The following GPATCH8 variants were observed in gnomAD, a reference collection of about 807,000 sequenced individuals.
GPATCH8 encodes the protein G patch domain-containing protein 8.
A neutral mutation model predicts 118.3 loss-of-function variants in GPATCH8; 18 were observed. That is an observed-to-expected ratio of 0.15 (90% CI 0.11 to 0.23). GPATCH8 has a LOEUF of 0.23. Among genes scored for constraint, GPATCH8 ranks in the 10% least tolerant of loss-of-function variants. The pLI is 1.00. For synonymous variants in GPATCH8, 659 were observed against 684.7 expected, an observed-to-expected ratio of 0.96 and a Z score of 0.59; for missense variants, 1,631 against 1,873.8, an observed-to-expected ratio of 0.87 and a Z score of 2.39.
In GPATCH8 at chr17:44,396,372, C is replaced by T. The variant is rs1170426056; in HGVS notation, c.*1196G>A. On this transcript the variant is annotated 3_prime_UTR_variant, in exon 8 of 8. Transcript: ENST00000591680. Reference sequence around the variant, plus strand: ...GAGGGAGACTGTTAAAGATGAGCATCCCTCAGAAGCCCCCAGCTGACTGCT... The same window carrying T: ...GAGGGAGACTGTTAAAGATGAGCATTCCTCAGAAGCCCCCAGCTGACTGCT... The T allele has an allele frequency of 2.2e-6, 1 of 454,498 alleles. No individual in the cohort carries two copies. Among genetic ancestry groups the T allele is most frequent in the East Asian group, 6.9e-5 (1 of 14,400 alleles). 28.2% of individuals were successfully genotyped at this position (454,498 alleles called of 1,614,324 possible).
intron 3 of GPATCH8, 47 bp from the exon 4 acceptor site, chr17:44,436,592 C>T (rs2050522769): frequency 1.1e-6 from 1 of 917,824 alleles, no homozygotes; most frequent in South Asian, 1.3e-5. Flanking sequence ...GCCAAACCAA[C>T]AGCTCATTTT....
At chr17:44,478,793 G>A (rs1291126997) in intron 1 of GPATCH8, among the ~76,000 whole-genome samples, 1 of 152,136 alleles carries the variant, frequency 6.6e-6, no homozygotes, top group Non-Finnish European at 1.5e-5. Flanking sequence ...AAGCTAGAGT[G>A]CAGTGGAACC....
chr17:44,480,822 G>A (rs1006494089), intron 1 of GPATCH8, among the ~76,000 whole-genome samples: 1 of 151,994 alleles, frequency 6.6e-6, no homozygotes, highest in Non-Finnish European at 1.5e-5. Flanking sequence ...AGTAAGCCGA[G>A]ATCACGCCAC....
intron 6 of GPATCH8, among the ~76,000 whole-genome samples, chr17:44,412,705 T>TA (rs757382047): frequency 6.1e-4 from 93 of 152,042 alleles, no homozygotes; most frequent in Non-Finnish European, 1.2e-3. Context: ...TAAAACAAAA[T>TA]AAAAAAAGAT....
chr17:44,481,002 G>A (rs1968191116), intron 1 of GPATCH8, among the ~76,000 whole-genome samples: 1 of 152,122 alleles, frequency 6.6e-6, no homozygotes, highest in Admixed American at 6.5e-5. Flanking sequence ...AACCCTCCTT[G>A]GGGCTTAAGC....
intron 6 of GPATCH8, among the ~76,000 whole-genome samples, chr17:44,422,163 A>G (rs2143876394): frequency 6.6e-6 from 1 of 152,292 alleles, no homozygotes; most frequent in East Asian, 1.9e-4. Flanking sequence ...TTAAATAAAG[A>G]TAATCTGAAA....
Position 44,396,980 on chromosome 17 carries a change from C to A in GPATCH8, c.*588G>T. The A allele has an allele frequency of 2.2e-6, 1 of 452,718 alleles. No individual in the cohort carries two copies. The highest frequency in any genetic ancestry group is 4.4e-6 in the Non-Finnish European group (1 of 226,774). The allele number at this position is 452,718 out of a possible 1,614,324, so 28.0% of individuals were successfully genotyped here. ...ATGTGTGGCTCCGTTGATGTGGGAA[C>A]TGGATGGAATTGCAGCCTGAGTTAT... On this transcript the variant is annotated 3_prime_UTR_variant, in exon 8 of 8. Transcript: ENST00000591680.
At chr17:44,421,005 C>G (rs2049879003) in intron 6 of GPATCH8, among the ~76,000 whole-genome samples, 1 of 151,952 alleles carries the variant, frequency 6.6e-6, no homozygotes, top group Non-Finnish European at 1.5e-5. Flanking sequence ...GCCAGGCCAC[C>G]ACGCCTGGCT....
intron 3 of GPATCH8, among the ~76,000 whole-genome samples, chr17:44,438,308 A>C (rs1439114211): frequency 6.6e-6 from 1 of 152,128 alleles, no homozygotes; most frequent in Non-Finnish European, 1.5e-5. Context: ...TACCTCTGTA[A>C]ACCCCTGTTT....
chr17:44,476,793 T>G (rs1967817386), intron 1 of GPATCH8, among the ~76,000 whole-genome samples: 1 of 152,210 alleles, frequency 6.6e-6, no homozygotes, highest in Non-Finnish European at 1.5e-5. Context: ...TCAAGCAAGT[T>G]GTCACTGCAA....
chr17:44,483,704 C>T (rs1311144850), intron 1 of GPATCH8, among the ~76,000 whole-genome samples: 3 of 151,504 alleles, frequency 2.0e-5, no homozygotes, highest in Non-Finnish European at 4.4e-5. Context: ...TGCTGTGGCA[C>T]GATCTCAACT....
intron 5 of GPATCH8, among the ~76,000 whole-genome samples, chr17:44,431,959 A>C (rs2050331218): frequency 6.6e-6 from 1 of 152,068 alleles, no homozygotes. Context: ...GATGAAAAGG[A>C]AGCAGTCAGA....
Position 44,414,087 on chromosome 17 carries a change from G to A in GPATCH8, c.493-8036C>T, listed in dbSNP as rs71369805. ...TATATATATATATATATATGTGTGT[G>A]TATATATATATATGTGTGTATATAT... On this transcript the variant is annotated intron_variant, in intron 6 of 7. Transcript: ENST00000591680. Among the ~76,000 whole-genome samples the A allele has an allele frequency of 6.8e-3, 873 of 128,490 alleles. 6 individuals carry two copies. The highest frequency in any genetic ancestry group is 0.023 in the African/African-American group (809 of 35,110). 84.3% of individuals were successfully genotyped at this position (128,490 alleles called of 152,430 possible). A position where few individuals can be genotyped will look rare whatever the true frequency, so the allele number is the denominator to read the frequency against.
Position 44,467,335 on chromosome 17 carries a change from G to A in GPATCH8, c.121-2791C>T. 3 of 241,652 alleles carry A rather than the reference G, an allele frequency of 1.2e-5. No individual in the cohort carries two copies. The South Asian group carries it at 1.4e-4, about 11-fold the overall frequency. 15.0% of individuals were successfully genotyped at this position (241,652 alleles called of 1,614,324 possible). A position where few individuals can be genotyped will look rare whatever the true frequency, so the allele number is the denominator to read the frequency against. On this transcript the variant is annotated intron_variant, in intron 2 of 7. Transcript: ENST00000591680. ...AGGAAAAGCAAATGTTAAAGGGAGAGGGAGAAAAAAAAGAAAAAATTAAGG... is the reference window on the plus strand; with the variant it reads ...AGGAAAAGCAAATGTTAAAGGGAGAAGGAGAAAAAAAAGAAAAAATTAAGG...
In GPATCH8 at chr17:44,397,921, C is replaced by T. The variant is rs370712910; in HGVS notation, c.4156G>A (p.Ala1386Thr). Residue 1386 changes from alanine (A) to threonine (T), a missense_variant, in exon 8 of 8, where the codon GCA becomes ACA. Transcript: ENST00000591680. ...QHAILQHHAA[A>T]AAAAIGIHPH... ...TGAATGCCGATGGCGGCAGCAGCTG[C>T]GGCAGCATGATGTTGTAGGATGGCA... is the stretch of plus-strand genomic sequence containing the variant. The T allele has an allele frequency of 4.7e-5, 75 of 1,612,384 alleles. No individual in the cohort carries two copies. The highest frequency in any genetic ancestry group is 5.5e-5 in the Non-Finnish European group (65 of 1,178,702).
At chr17:44,446,637 TG>T (rs1381232955) in intron 3 of GPATCH8, among the ~76,000 whole-genome samples, 3 of 152,162 alleles carry the variant, frequency 2.0e-5, no homozygotes, top group Admixed American at 2.0e-4. Context: ...GGAAAATATT[TG>T]AGTAGAAAAT....
In GPATCH8 at chr17:44,443,626, C is replaced by T. The variant is rs185545955; in HGVS notation, c.194-7081G>A. Among the ~76,000 whole-genome samples, 1,013 of 152,156 alleles carry T rather than the reference C, an allele frequency of 6.7e-3. 16 individuals carry two copies. Among genetic ancestry groups the T allele is most frequent in the African/African-American group, 0.022 (921 of 41,532 alleles). ...AAACCTACTATATTCTTGCCATGGC[C>T]TTTTTAGTGACCTATACAACAACCA... On this transcript the variant is annotated intron_variant, in intron 3 of 7. Transcript: ENST00000591680.
intron 2 of GPATCH8, among the ~76,000 whole-genome samples, chr17:44,471,572 C>A (rs1384854173): frequency 6.6e-6 from 1 of 152,156 alleles, no homozygotes; most frequent in Non-Finnish European, 1.5e-5. Context: ...TTTTCAGCCA[C>A]TTTTGAGTTG....
intron 3 of GPATCH8, among the ~76,000 whole-genome samples, chr17:44,453,023 G>C (rs1260397972): frequency 6.6e-6 from 1 of 152,062 alleles, no homozygotes; most frequent in Non-Finnish European, 1.5e-5. Context: ...AGTAGAGATG[G>C]GGTTTTGCCA....
Sources: allele counts gnomAD v4.1 joint callset (sites outside exome capture counted in the v4.1 genomes callset), GRCh38; gene constraint gnomAD v4.1.1; transcripts MANE v1.5; gene names NCBI Gene and HGNC (gene_info 2026-07-23, HGNC 2026-07-21).